Variants in CD276 observed in about 807,000 individuals in gnomAD.
CD276 encodes CD276 antigen.
CD276 carries 34 observed loss-of-function variants against 50.0 expected under a neutral mutation model. The ratio of observed to expected loss-of-function variants is 0.68; its 90% CI spans 0.52 to 0.91. The LOEUF is 0.91. CD276 is among the 40% of genes least tolerant of loss of function. The probability of loss-of-function intolerance (pLI) is 0.00; values close to 1 mark genes in which losing one functional copy is unlikely to be tolerated. For synonymous variants in CD276, 275 were observed against 313.0 expected (o/e 0.88, Z 1.28); for missense variants, 634 against 717.5 (o/e 0.88, Z 1.33).
In CD276 at chr15:73,702,465, C is replaced by T. The variant is rs7173448; in HGVS notation, c.290C>T (p.Pro97Leu). 0.12 allele frequency: 187,090 copies of T among 1,613,506 alleles called. 14,279 individuals are homozygous for T. Among genetic ancestry groups the T allele is most frequent in the African/African-American group, 0.39 (29,536 of 74,968 alleles). ...SAYANRTALF[P>L]DLLAQGNASL... ...TATGCCAACCGCACGGCCCTCTTCC[C>T]GGACCTGCTGGCACAGGGCAACGCA... The change falls in exon 3 of 10, where the codon CCG becomes CTG. Residue 97 changes from proline to leucine, a missense_variant. Coordinates refer to ENST00000318443, the MANE Select transcript of CD276 (RefSeq NM_001024736.2).
intron 1 of CD276, among the ~76,000 whole-genome samples, chr15:73,697,122 G>A (rs1179587756): frequency 6.6e-6 from 1 of 152,206 alleles, no homozygotes; most frequent in African/African-American, 2.4e-5. Context: ...CTTCCTGTGG[G>A]CCTCAGGGTG....
intron 1 of CD276, among the ~76,000 whole-genome samples, chr15:73,696,605 T>C (rs1186741774): frequency 6.6e-6 from 1 of 152,172 alleles, no homozygotes; most frequent in Non-Finnish European, 1.5e-5. Flanking sequence ...ATCTTCCCTC[T>C]GGAGGGAAGC....
intron 1 of CD276, among the ~76,000 whole-genome samples, chr15:73,692,460 G>A (rs1900022207): frequency 6.6e-6 from 1 of 152,096 alleles, no homozygotes; most frequent in Non-Finnish European, 1.5e-5. Context: ...TTACTCCTCG[G>A]TGAAATAGGA....
At chr15:73,703,245 A>G (rs1900490484) in intron 4 of CD276, among the ~76,000 whole-genome samples, 159 bp downstream of exon 4, 1 of 151,618 alleles carries the variant, frequency 6.6e-6, no homozygotes, top group Admixed American at 6.6e-5. Flanking sequence ...TGTTCACTGG[A>G]GGGGTTGGGG....
chr15:73,713,246 TAGGGACAC>T lies in CD276; in HGVS notation c.*293_*300del. On this transcript the variant is annotated 3_prime_UTR_variant, in exon 10 of 10. Coordinates refer to ENST00000318443, the MANE Select transcript of CD276 (RefSeq NM_001024736.2). ...CTTATTTCACAGTACATACATTTCT[TAGGGACAC>T]AGTACACTGACCACATCACCACCCT... 4.6e-6 allele frequency: 2 copies of T among 433,990 alleles called. No individual in the cohort carries two copies. The highest frequency in any genetic ancestry group is 8.2e-6 in the Non-Finnish European group (2 of 244,700). The allele number at this position is 433,990 out of a possible 1,614,324, so 26.9% of individuals were successfully genotyped here.
intron 1 of CD276, among the ~76,000 whole-genome samples, chr15:73,692,246 A>G (rs1049217969): frequency 6.6e-6 from 1 of 152,212 alleles, no homozygotes; most frequent in Non-Finnish European, 1.5e-5. Flanking sequence ...TGACCCTTTC[A>G]TCCAGGTTTA....
intron 1 of CD276, chr15:73,686,276 T>G (rs1238821435): frequency 1.0e-6 from 1 of 985,018 alleles, no homozygotes; most frequent in South Asian, 4.7e-5. Context: ...TCTAGACTCC[T>G]GTGCTGTGAG....
chr15:73,708,428 G>A lies in CD276; in HGVS notation c.1459G>A (p.Val487Met), dbSNP rs369418465. 3.4e-5 allele frequency: 55 copies of A among 1,614,034 alleles called. No individual in the cohort carries two copies. Among genetic ancestry groups the A allele is most frequent in the Non-Finnish European group, 4.2e-5 (49 of 1,179,982 alleles). The part of the protein sequence containing the change: ...LIALLVALAF[V>M]CWRKIKQSCE... ...TGCACTGCTGGTGGCCCTGGCTTTC[G>A]TGTGCTGGAGAAAGATCAAACAGAG... Residue 487 changes from valine to methionine, a missense_variant, in exon 7 of 10, where the codon GTG (valine) becomes ATG (methionine). By Grantham distance (21) the Val-to-Met change is conservative (BLOSUM62 1). Coordinates refer to ENST00000318443, the MANE Select transcript of CD276 (RefSeq NM_001024736.2).
chr15:73,702,255 G>T lies in CD276; in HGVS notation c.80G>T (p.Gly27Val). 2.5e-6 allele frequency: 4 copies of T among 1,604,742 alleles called. No homozygotes were observed. Among genetic ancestry groups the T allele is most frequent in the Non-Finnish European group, 3.4e-6 (4 of 1,175,596 alleles). The change falls in exon 3 of 10, where the codon GGA becomes GTA. Residue 27 changes from glycine to valine, a missense_variant and splice_region_variant. Transcript: ENST00000318443. ...ALGALWFCLT[G>V]ALEVQVPEDP... is the part of the protein sequence containing the mutation. ...TGTTCTCCACTCCCCCTACCCCCAG[G>T]AGCCCTGGAGGTCCAGGTCCCTGAA...
At chr15:73,685,189 G>C (rs1034164824) in intron 1 of CD276, 3 of 151,906 alleles carry the variant, frequency 2.0e-5, no homozygotes, top group African/African-American at 7.3e-5. Flanking sequence ...TGGGGGGTGA[G>C]GTGGGATGGA....
At chr15:73,686,877 C>A (rs1054917065) in intron 1 of CD276, among the ~76,000 whole-genome samples, 1 of 152,064 alleles carries the variant, frequency 6.6e-6, no homozygotes, top group African/African-American at 2.4e-5. Context: ...GTCATAGGGT[C>A]AGGGAAAGAG....
chr15:73,708,427 C>T lies in CD276; in HGVS notation c.1458C>T (p.Phe486=), dbSNP rs375564059. 5.0e-6 allele frequency: 8 copies of T among 1,613,984 alleles called. No homozygotes were observed. The highest frequency in any genetic ancestry group is 2.2e-5 in the East Asian group (1 of 44,876). ...TTGCACTGCTGGTGGCCCTGGCTTTCGTGTGCTGGAGAAAGATCAAACAGA... is the reference window on the plus strand; with the variant it reads ...TTGCACTGCTGGTGGCCCTGGCTTTTGTGTGCTGGAGAAAGATCAAACAGA... ...CLIALLVALA[F]VCWRKIKQSC... The change falls in exon 7 of 10, where the codon TTC becomes TTT. Residue 486 remains phenylalanine, a synonymous_variant. Transcript: ENST00000318443.
rs1176805668 is a variant in CD276, at chr15:73,703,077, A to C, written c.724A>C (p.Ser242Arg). The C allele has an allele frequency of 6.3e-7, 1 of 1,599,082 alleles. No homozygotes were observed. Among genetic ancestry groups the C allele is most frequent in the Non-Finnish European group, 8.5e-7 (1 of 1,171,524 alleles). Residue 242 changes from serine to arginine, a missense_variant, in exon 4 of 10, where the codon AGC (serine) becomes CGC (arginine). Transcript: ENST00000318443. ...HSSVTITPQR[S>R]PTGAVEVQVP... ...CTCTGTCACCATCACACCCCAGAGAAGCCCCACAGGTTGCTTTGCTTAAAT... is the reference window on the plus strand; with the variant it reads ...CTCTGTCACCATCACACCCCAGAGACGCCCCACAGGTTGCTTTGCTTAAAT...
At chr15:73,684,245 CA>C (rs1438048141), upstream of CD276, 1 of 151,934 alleles carries the variant, frequency 6.6e-6, no homozygotes, top group Admixed American at 6.6e-5. Flanking sequence ...CGGGCTGGCT[CA>C]GGCCTCGGTC....
intron 1 of CD276, among the ~76,000 whole-genome samples, chr15:73,686,751 T>C (rs1288959264): frequency 6.6e-6 from 1 of 152,178 alleles, no homozygotes; most frequent in Admixed American, 6.5e-5. Flanking sequence ...GTAGAACAAG[T>C]GGCTGGATGG....
intron 8 of CD276, among the ~76,000 whole-genome samples, chr15:73,709,968 C>G (rs1223772179): frequency 6.6e-6 from 1 of 151,982 alleles, no homozygotes; most frequent in East Asian, 1.9e-4. Flanking sequence ...ACCGTGGAGT[C>G]TGGTGGCTTC....
At chr15:73,685,308 T>C (rs1899703640) in intron 1 of CD276, among the ~76,000 whole-genome samples, 1 of 152,036 alleles carries the variant, frequency 6.6e-6, no homozygotes, top group Non-Finnish European at 1.5e-5. Flanking sequence ...ACCGTTTAGC[T>C]AGCGAATTGG....
At chr15:73,688,657 G>A (rs545137194) in intron 1 of CD276, among the ~76,000 whole-genome samples, 57 of 152,322 alleles carry the variant, frequency 3.7e-4, no homozygotes, top group African/African-American at 1.2e-3. Context: ...CCCTTGGCCA[G>A]CCGGCCACCA....
intron 1 of CD276, among the ~76,000 whole-genome samples, chr15:73,685,263 G>A (rs541084563): frequency 2.4e-4 from 36 of 152,116 alleles, no homozygotes; most frequent in Admixed American, 1.8e-3. Context: ...TAGAAGGGAG[G>A]GGATTGAATT....
Sources: allele counts gnomAD v4.1 joint callset (sites outside exome capture counted in the v4.1 genomes callset), GRCh38; gene constraint gnomAD v4.1.1; transcripts MANE v1.5; gene names NCBI Gene and HGNC (gene_info 2026-07-23, HGNC 2026-07-21).